ASCC3: variants seen among roughly 807,000 people sequenced by gnomAD.
ASCC3 encodes ASC-1 complex subunit P200.
ASCC3 carries 158 observed loss-of-function variants against 256.3 expected under a neutral mutation model. The observed-to-expected ratio is 0.62, with a 90% CI of 0.54 to 0.70. The LOEUF is 0.70. Ranked by LOEUF, ASCC3 falls within the 30% of genes least tolerant of loss-of-function variation. The pLI is 0.00. For synonymous variants in ASCC3, 948 were observed against 883.4 expected (o/e 1.07, Z -1.30); for missense variants, 2,259 against 2,626.0 (o/e 0.86, Z 3.05).
chr6:100,728,132 T>C (rs574690607), intron 10 of ASCC3, among the ~76,000 whole-genome samples: 7 of 152,054 alleles, frequency 4.6e-5, no homozygotes, highest in Non-Finnish European at 7.4e-5. Context: ...CTATAGTATA[T>C]AATTATGCTA....
At chr6:100,710,603 T>C (rs1026365436) in intron 13 of ASCC3, among the ~76,000 whole-genome samples, 1 of 152,156 alleles carries the variant, frequency 6.6e-6, no homozygotes, top group Middle Eastern at 3.2e-3. Context: ...AGCATCCAAG[T>C]TTTATAATTA....
Position 100,799,363 on chromosome 6 carries a change from G to A in ASCC3, c.1269+68C>T, listed in dbSNP as rs150529117. 1,040 of 1,564,880 alleles carry A rather than the reference G, an allele frequency of 6.6e-4. 5 individuals carry two copies. In the African/African-American group the frequency reaches 0.012, roughly 17 times the overall value. On this transcript the variant is annotated intron_variant, in intron 7 of 41. Coordinates refer to ENST00000369162, the MANE Select transcript of ASCC3 (RefSeq NM_006828.4). ...AGTGTTAGACTCACGAAGGAACAGGGAAAATCCACACATCATTTCTTTAGA... is the reference window on the plus strand; with the variant it reads ...AGTGTTAGACTCACGAAGGAACAGGAAAAATCCACACATCATTTCTTTAGA...
intron 1 of ASCC3, among the ~76,000 whole-genome samples, chr6:100,869,801 G>A (rs1773647225): frequency 6.6e-6 from 1 of 152,112 alleles, no homozygotes; most frequent in Admixed American, 6.6e-5. Flanking sequence ...AGGCTGAAAG[G>A]ATAGGATAAG....
chr6:100,827,176 A>C (rs989054902), intron 4 of ASCC3, among the ~76,000 whole-genome samples: 2 of 152,214 alleles, frequency 1.3e-5, no homozygotes, highest in South Asian at 4.1e-4. Flanking sequence ...TCAGAAGTCC[A>C]CAGTTTACAC....
chr6:100,637,894 C>T (rs1057047677), intron 25 of ASCC3, among the ~76,000 whole-genome samples: 17 of 152,116 alleles, frequency 1.1e-4, no homozygotes, highest in South Asian at 6.2e-4. Flanking sequence ...GTGTTTCTTG[C>T]GATAGAATCT....
chr6:100,862,462 T>C (rs183390417), intron 3 of ASCC3, among the ~76,000 whole-genome samples: 1 of 152,198 alleles, frequency 6.6e-6, no homozygotes, highest in Admixed American at 6.5e-5. Flanking sequence ...ATTTATAGAT[T>C]TGATGATCAT....
chr6:100,844,006 A>G (rs1158525531), intron 4 of ASCC3, among the ~76,000 whole-genome samples: 1 of 151,600 alleles, frequency 6.6e-6, no homozygotes, highest in East Asian at 1.9e-4. Flanking sequence ...CAAATATTTC[A>G]CAAATTAGAG....
intron 8 of ASCC3, among the ~76,000 whole-genome samples, chr6:100,774,890 A>G (rs4839788): frequency 0.94 from 143,135 of 152,194 alleles, 67,631 homozygotes; most frequent in South Asian, 0.99. Context: ...ACTATATGCT[A>G]AGGTATGTGA....
At chr6:100,798,884 CACTT>C (rs1769768597) in intron 7 of ASCC3, 46 bp from the exon 8 acceptor site, 8 of 1,500,076 alleles carry the variant, frequency 5.3e-6, no homozygotes, top group African/African-American at 2.8e-5. Context: ...AAAAATAAAA[CACTT>C]GCTCTGGTAA....
intron 4 of ASCC3, among the ~76,000 whole-genome samples, chr6:100,823,374 T>C (rs1771147416): frequency 6.6e-6 from 1 of 152,166 alleles, no homozygotes; most frequent in Non-Finnish European, 1.5e-5. Context: ...AGGAAGAAGT[T>C]AGCTGCGGGT....
At chr6:100,862,319 T>A (rs1371658601) in intron 3 of ASCC3, among the ~76,000 whole-genome samples, 1 of 152,202 alleles carries the variant, frequency 6.6e-6, no homozygotes, top group Non-Finnish European at 1.5e-5. Flanking sequence ...AAGATCTAAC[T>A]GTACAAACAT....
rs1176120336 is a variant in ASCC3, at chr6:100,508,369, T to G, written c.*1017A>C. 6.6e-6 allele frequency: 1 copy of G among 152,172 alleles called. No homozygotes were observed. Among genetic ancestry groups the G allele is most frequent in the Non-Finnish European group, 1.5e-5 (1 of 68,010 alleles). The allele number at this position is 152,172 out of a possible 1,614,324, so 9.4% of individuals were successfully genotyped here. A position where few individuals can be genotyped will look rare whatever the true frequency, so the allele number is the denominator to read the frequency against. ...TTATTTCACAAAGGTAGAATTTCAT[T>G]CCACTAGAATGCATATTATATGAAC... On this transcript the variant is annotated 3_prime_UTR_variant, in exon 42 of 42. Transcript: ENST00000369162.
At chr6:100,818,263 G>A (rs1010779732) in intron 4 of ASCC3, among the ~76,000 whole-genome samples, 1 of 151,954 alleles carries the variant, frequency 6.6e-6, no homozygotes, top group Non-Finnish European at 1.5e-5. Flanking sequence ...TGTGATCAAG[G>A]GTATCTGTGA....
intron 37 of ASCC3, among the ~76,000 whole-genome samples, chr6:100,527,312 C>G (rs1300610567): frequency 6.6e-6 from 1 of 152,226 alleles, no homozygotes; most frequent in Non-Finnish European, 1.5e-5. Context: ...TTAAAGAGAA[C>G]GTTTTCTTGG....
chr6:100,523,231 C>T (rs1774395820), intron 37 of ASCC3, among the ~76,000 whole-genome samples: 1 of 151,800 alleles, frequency 6.6e-6, no homozygotes, highest in Non-Finnish European at 1.5e-5. Flanking sequence ...TCATTTTCCT[C>T]ATCTGATAAA....
intron 34 of ASCC3, among the ~76,000 whole-genome samples, chr6:100,598,177 A>T (rs1772409895): frequency 6.6e-6 from 1 of 152,082 alleles, no homozygotes; most frequent in African/African-American, 2.4e-5. Context: ...GTGGGTTAAT[A>T]TCTACACTAG....
intron 36 of ASCC3, among the ~76,000 whole-genome samples, chr6:100,563,420 G>A (rs1352090002): frequency 6.6e-6 from 1 of 152,094 alleles, no homozygotes; most frequent in Non-Finnish European, 1.5e-5. Flanking sequence ...AAAGTTATAC[G>A]ATTCACCTCC....
intron 24 of ASCC3, among the ~76,000 whole-genome samples, chr6:100,640,313 T>C (rs1445321010): frequency 6.6e-6 from 1 of 152,204 alleles, no homozygotes; most frequent in Non-Finnish European, 1.5e-5. Flanking sequence ...TGAAGGTTTT[T>C]CTTGGCTCAT....
At position 100,664,424 on chromosome 6, in the gene ASCC3, A is replaced by G. The variant is rs979455761; in HGVS notation, c.2287-1888T>C. Among the ~76,000 whole-genome samples the G allele has an allele frequency of 9.2e-5, 14 of 152,122 alleles. No homozygotes were observed. In the East Asian group the frequency reaches 2.5e-3, roughly 27 times the overall value. On this transcript the variant is annotated intron_variant, in intron 14 of 41. Transcript: ENST00000369162. ...ATTCCATGAAATCTGCTTCAATTAT[A>G]AAACCAAAAGTAATGCATTAACAAA...
Sources: allele counts gnomAD v4.1 joint callset (sites outside exome capture counted in the v4.1 genomes callset), GRCh38; gene constraint gnomAD v4.1.1; transcripts MANE v1.5; gene names NCBI Gene and HGNC (gene_info 2026-07-23, HGNC 2026-07-21).